Variants in RRM1 observed in about 807,000 individuals in gnomAD.
The protein encoded by RRM1 is ribonucleotide reductase catalytic subunit M1.
RRM1 carries 19 observed loss-of-function variants against 101.5 expected under a neutral mutation model. That is an observed-to-expected ratio of 0.19 (90% CI 0.13 to 0.27). The LOEUF (loss-of-function observed/expected upper bound fraction) is 0.27, where lower values mean the gene tolerates loss of function less well. RRM1 is among the 10% of genes least tolerant of loss of function. The pLI is 1.00. For missense variants in RRM1, 500 were observed against 962.9 expected (o/e 0.52, Z 6.36); for synonymous variants, 298 against 323.4 (o/e 0.92, Z 0.84).
chr11:4,114,671 G>A (rs564240843), intron 7 of RRM1, among the ~76,000 whole-genome samples: 4 of 151,890 alleles, frequency 2.6e-5, no homozygotes, highest in African/African-American at 9.7e-5. Context: ...ATTAACCTTC[G>A]ATTACTGGAT....
At chr11:4,110,701 G>A (rs1005280962) in intron 5 of RRM1, among the ~76,000 whole-genome samples, 1 of 150,990 alleles carries the variant, frequency 6.6e-6, no homozygotes, top group Non-Finnish European at 1.5e-5. Context: ...CTCAGGAGAC[G>A]GAGGTTGCAG....
intron 7 of RRM1, among the ~76,000 whole-genome samples, 182 bp downstream of exon 7, chr11:4,112,244 A>G (rs185258041): frequency 5.8e-4 from 89 of 152,384 alleles, no homozygotes; most frequent in Middle Eastern, 3.4e-3. Context: ...AAATGCTTAT[A>G]ACAAAAATGT....
intron 7 of RRM1, chr11:4,116,495 G>T (rs1266352874): frequency 2.0e-5 from 3 of 152,224 alleles, no homozygotes; most frequent in African/African-American, 7.2e-5. Context: ...AGGAAGCTGA[G>T]GCATGAGAAT....
intron 12 of RRM1, among the ~76,000 whole-genome samples, chr11:4,123,781 C>T (rs1272653692): frequency 1.3e-5 from 2 of 152,132 alleles, no homozygotes; most frequent in Non-Finnish European, 2.9e-5. Flanking sequence ...GTACTCCATC[C>T]TGGGCGACAA....
chr11:4,122,920 C>T (rs2094583984), intron 11 of RRM1, among the ~76,000 whole-genome samples: 1 of 151,382 alleles, frequency 6.6e-6, no homozygotes, highest in South Asian at 2.1e-4. Context: ...AGAGATTTGG[C>T]TTCCTTAGTT....
chr11:4,109,928 A>T (rs2094563151), intron 5 of RRM1, among the ~76,000 whole-genome samples: 1 of 152,168 alleles, frequency 6.6e-6, no homozygotes, highest in Admixed American at 6.5e-5. Context: ...GGATTACCTG[A>T]GGAGTTATGC....
rs1261765315 is a variant in RRM1, at chr11:4,107,481, A to T, written c.333A>T (p.Lys111Asn). 4 of 1,613,576 alleles carry T rather than the reference A, an allele frequency of 2.5e-6. No individual in the cohort carries two copies. The highest frequency in any genetic ancestry group is 1.3e-5 in the African/African-American group (1 of 74,936). ...LYNYINPHNGKHSPMVAKSTL... is the reference protein window; with the variant it reads ...LYNYINPHNGNHSPMVAKSTL... ...ACTACATAAATCCACATAATGGCAA[A>T]CACTCTCCCATGGTGGCCAAGTCAA... The change falls in exon 4 of 19, where the codon AAA becomes AAT. Residue 111 changes from lysine (K) to asparagine (N), a missense_variant. Coordinates refer to ENST00000300738, the MANE Select transcript of RRM1 (RefSeq NM_001033.5).
intron 7 of RRM1, 107 bp from the exon 8 acceptor site, chr11:4,118,213 T>A: frequency 8.8e-7 from 1 of 1,133,934 alleles, no homozygotes; most frequent in Non-Finnish European, 1.2e-6. Context: ...CTTTCTAAAC[T>A]TCAACTCTTT....
intron 5 of RRM1, among the ~76,000 whole-genome samples, chr11:4,111,117 C>A (rs1055551677): frequency 2.0e-5 from 3 of 151,834 alleles, no homozygotes; most frequent in Non-Finnish European, 2.9e-5. Context: ...ATTCCTTGAG[C>A]TTAGGAGTTT....
In RRM1 at chr11:4,123,236, A is replaced by T. The variant is rs1455671886; in HGVS notation, c.1172A>T (p.Tyr391Phe). 1.2e-6 allele frequency: 2 copies of T among 1,614,160 alleles called. No homozygotes were observed. The highest frequency in any genetic ancestry group is 8.5e-7 in the Non-Finnish European group (1 of 1,180,020). ...RKVVKAQQLW[Y>F]AIIESQTETG... ...GTTGTAAAAGCTCAGCAGCTTTGGT[A>T]TGCCATCATTGAGTCTCAGACGGAA... The change falls in exon 12 of 19, where the codon TAT becomes TTT. Residue 391 changes from tyrosine to phenylalanine, a missense_variant. Coordinates refer to ENST00000300738, the MANE Select transcript of RRM1 (RefSeq NM_001033.5).
chr11:4,122,356 G>T, intron 11 of RRM1, 136 bp downstream of exon 11: 1 of 618,598 alleles, frequency 1.6e-6, no homozygotes, highest in South Asian at 2.7e-5. Context: ...ATTTTGGTCA[G>T]ATTTGCTTCC....
chr11:4,134,876 G>A (rs2284452), intron 17 of RRM1, among the ~76,000 whole-genome samples: 62,391 of 152,096 alleles, frequency 0.41, 14,617 homozygotes, highest in Non-Finnish European at 0.54. Context: ...TCACCAGATT[G>A]ATATTTGGTT....
At position 4,138,610 on chromosome 11, in the gene RRM1, G is replaced by A. The variant is rs1400081290; in HGVS notation, c.*227G>A. ...CTTTTGAAAAAAAGAAAAAAAAAAC[G>A]GATATATTGAGAATCAAAGTAGAAG... On this transcript the variant is annotated 3_prime_UTR_variant, in exon 19 of 19. Coordinates refer to ENST00000300738, the MANE Select transcript of RRM1 (RefSeq NM_001033.5). 6.2e-5 allele frequency: 21 copies of A among 336,178 alleles called. No individual in the cohort carries two copies. The highest frequency in any genetic ancestry group is 1.7e-4 in the African/African-American group (8 of 47,482). 20.8% of individuals were successfully genotyped at this position (336,178 alleles called of 1,614,324 possible). A position where few individuals can be genotyped will look rare whatever the true frequency, so the allele number is the denominator to read the frequency against.
chr11:4,135,389 TC>T, intron 18 of RRM1, 119 bp downstream of exon 18: 2 of 754,956 alleles, frequency 2.6e-6, no homozygotes, highest in Non-Finnish European at 4.0e-6. Flanking sequence ...TAAGTTCAAA[TC>T]CAGAACGTTA....
rs2094602665 is a variant in RRM1, at chr11:4,132,825, G to T, written c.1905+404G>T. Among the ~76,000 whole-genome samples, 1 of 152,152 alleles carries T rather than the reference G, an allele frequency of 6.6e-6. No homozygotes were observed. The highest frequency in any genetic ancestry group is 2.1e-4 in the South Asian group (1 of 4,830). ...GAATTTATGGTGGGTGAGACCAGTG[G>T]TTTTTTCTTTGTTTTTAAGGTTCCC... On this transcript the variant is annotated intron_variant, in intron 16 of 18. Transcript: ENST00000300738. This position sits in a 1 kb window ranked among gnomAD's most constrained non-coding sequence, Gnocchi z 4.1.
intron 1 of RRM1, among the ~76,000 whole-genome samples, chr11:4,096,597 A>C (rs1463526767): frequency 6.6e-6 from 1 of 152,202 alleles, no homozygotes; most frequent in Non-Finnish European, 1.5e-5. Flanking sequence ...AACATAGTGC[A>C]CTTTTATTGA....
chr11:4,109,603 T>C lies in RRM1; in HGVS notation c.388-41T>C, dbSNP rs942266395. The C allele has an allele frequency of 2.6e-6, 4 of 1,520,932 alleles. No individual in the cohort carries two copies. The African/African-American group carries it at 5.6e-5, about 21-fold the overall frequency. The allele number at this position is 1,520,932 out of a possible 1,614,324, so 94.2% of individuals were successfully genotyped here. A position where few individuals can be genotyped will look rare whatever the true frequency, so the allele number is the denominator to read the frequency against. ...TAAGAGATTTTGTGAAAATAAGTAA[T>C]TATTTTAATTTAATTATGGGTTCTT... On this transcript the variant is annotated intron_variant, in intron 4 of 18. Transcript: ENST00000300738.
intron 5 of RRM1, among the ~76,000 whole-genome samples, chr11:4,110,807 G>A (rs1165776518): frequency 6.6e-6 from 1 of 151,352 alleles, no homozygotes; most frequent in African/African-American, 2.4e-5. Context: ...AACAGACCAG[G>A]CACTGCTCTA....
At chr11:4,123,626 T>C (rs947499607) in intron 12 of RRM1, among the ~76,000 whole-genome samples, 3 of 152,184 alleles carry the variant, frequency 2.0e-5, no homozygotes, top group Non-Finnish European at 4.4e-5. Flanking sequence ...ATCACTGTAA[T>C]AACATTTACT....
Sources: gnomAD v4.1 joint callset for allele counts (sites outside exome capture counted in the v4.1 genomes callset) on GRCh38, gnomAD v4.1.1 for gene constraint, Gnocchi (gnomAD v3.1) non-coding constraint, MANE v1.5 for transcripts, NCBI Gene and HGNC (gene_info 2026-07-23, HGNC 2026-07-21) for gene names.